The following GPRIN2 variants were observed in gnomAD, a reference collection of about 807,000 sequenced individuals.
GPRIN2 encodes the protein G protein-regulated inducer of neurite outgrowth 2.
A neutral mutation model predicts 0.3 loss-of-function variants in GPRIN2; 1 was observed. That is an observed-to-expected ratio of 3.90 (90% confidence interval 1.39 to 18.51). GPRIN2 has a LOEUF of 18.51. GPRIN2 is among the 30% of genes most tolerant of loss of function. The probability of loss-of-function intolerance (pLI) is 0.11; values close to 1 mark genes in which losing one functional copy is unlikely to be tolerated. For missense variants in GPRIN2, 880 were observed against 604.2 expected (o/e 1.46, Z -4.79); for synonymous variants, 361 against 258.6 (o/e 1.40, Z -3.80).
In GPRIN2 at chr10:46,547,091, C is replaced by T. The variant is rs1247555743; in HGVS notation, c.*2269G>A. ...CCTGTGGCAGGTGGCCCTTTCTGCA[C>T]CTGCTGAACATGCCATTCACCTTGA... On this transcript the variant is annotated 3_prime_UTR_variant, in exon 3 of 3. Transcript: ENST00000374314. Among the ~76,000 whole-genome samples the T allele has an allele frequency of 6.6e-6, 1 of 152,306 alleles. No individual in the cohort carries two copies. The highest frequency in any genetic ancestry group is 2.4e-5 in the African/African-American group (1 of 41,486).
Position 46,550,292 on chromosome 10 carries a change from T to C in GPRIN2, c.445A>G (p.Ser149Gly). 1 of 1,612,980 alleles carries C rather than the reference T, an allele frequency of 6.2e-7. No homozygotes were observed. ...TGCAGCTGAGCCCTGTGGACAGGGCTGCTGCCAAGGGCTGAGCAGCTGAGA... is the reference window on the plus strand; with the variant it reads ...TGCAGCTGAGCCCTGTGGACAGGGCCGCTGCCAAGGGCTGAGCAGCTGAGA... The part of the protein sequence containing the change: ...ASLSCSALGS[S>G]PVHRAQLQPG... Residue 149 changes from serine to glycine, a missense_variant, in exon 3 of 3, where the codon AGC becomes GGC. Physicochemically the swap from Ser to Gly is moderately conservative, Grantham distance 56 (BLOSUM62 0). Transcript: ENST00000374314.
intron 2 of GPRIN2, among the ~76,000 whole-genome samples, chr10:46,552,983 GATA>G (rs1842782591): frequency 6.6e-6 from 1 of 152,310 alleles, no homozygotes; most frequent in South Asian, 2.1e-4. Flanking sequence ...TAACAGCGAT[GATA>G]ATAACAGCTG....
chr10:46,552,355 G>A (rs1461293965), intron 2 of GPRIN2, among the ~76,000 whole-genome samples: 1 of 152,312 alleles, frequency 6.6e-6, no homozygotes, highest in Non-Finnish European at 1.5e-5. Context: ...GAAACAGGGT[G>A]GGGACAGGAG....
upstream of GPRIN2, among the ~76,000 whole-genome samples, chr10:46,556,879 C>T (rs1439700602): frequency 6.6e-6 from 1 of 152,394 alleles, no homozygotes; most frequent in East Asian, 1.9e-4. Flanking sequence ...ACCGCCTGTT[C>T]TCCAGGCTGC....
Position 46,549,911 on chromosome 10 carries a change from C to A in GPRIN2, c.826G>T (p.Val276Leu). 3 of 1,614,220 alleles carry A rather than the reference C, an allele frequency of 1.9e-6. No individual in the cohort carries two copies. The highest frequency in any genetic ancestry group is 1.1e-5 in the South Asian group (1 of 91,088). The change falls in exon 3 of 3, where the codon GTG becomes TTG. Residue 276 changes from valine (V) to leucine (L), a missense_variant. By Grantham distance (32) the Val-to-Leu change is conservative (BLOSUM62 1). Transcript: ENST00000374314. ...CCAGACAACCTACAGTGGATCTTCACCCCATGCTGAGCCTGCAGCCCAGAC... is the reference window on the plus strand; with the variant it reads ...CCAGACAACCTACAGTGGATCTTCAACCCATGCTGAGCCTGCAGCCCAGAC... ...SESGLQAQHGVKIHCRLSGGL... is the reference protein window; with the variant it reads ...SESGLQAQHGLKIHCRLSGGL...
At position 46,542,086 on chromosome 10, in the gene GPRIN2, G is replaced by A. The variant is rs1841808585; in HGVS notation, c.*7274C>T. Among the ~76,000 whole-genome samples, 2 of 152,310 alleles carry A rather than the reference G, an allele frequency of 1.3e-5. No homozygotes were observed. Among genetic ancestry groups the A allele is most frequent in the African/African-American group, 2.4e-5 (1 of 41,488 alleles). On this transcript the variant is annotated 3_prime_UTR_variant, in exon 3 of 3. Transcript: ENST00000374314. ...GGCTTACAAAAGCCACAAAGCTTGT[G>A]TACAAAATGACACCCTTGGCCACCA...
chr10:46,547,255 C>T lies in GPRIN2; in HGVS notation c.*2105G>A, dbSNP rs1842245461. 6.6e-6 allele frequency among the ~76,000 whole-genome samples: 1 copy of T among 152,310 alleles called. No homozygotes were observed. The highest frequency in any genetic ancestry group is 1.9e-4 in the East Asian group (1 of 5,208). On this transcript the variant is annotated 3_prime_UTR_variant, in exon 3 of 3. Coordinates refer to ENST00000374314, the MANE Select transcript of GPRIN2 (RefSeq NM_001385282.1). ...CGTGTATGAACCCAGCCCCCAGCTG[C>T]CCACTCCATTGCCCCTAAACAGGCC...
In GPRIN2 at chr10:46,542,815, A is replaced by C. The variant is rs1841860115; in HGVS notation, c.*6545T>G. Among the ~76,000 whole-genome samples the C allele has an allele frequency of 6.6e-6, 1 of 152,310 alleles. No individual in the cohort carries two copies. Among genetic ancestry groups the C allele is most frequent in the East Asian group, 1.9e-4 (1 of 5,208 alleles). On this transcript the variant is annotated 3_prime_UTR_variant, in exon 3 of 3. Coordinates refer to ENST00000374314, the MANE Select transcript of GPRIN2 (RefSeq NM_001385282.1). ...GTGCAGTGTGTCCCCACAGGGGCTCAGGCCACACCCCAACCCAATTACAAG... is the reference window on the plus strand; with the variant it reads ...GTGCAGTGTGTCCCCACAGGGGCTCCGGCCACACCCCAACCCAATTACAAG...
rs1841823674 is a variant in GPRIN2 at position 46,542,321 on chromosome 10, C to T, written c.*7039G>A. Among the ~76,000 whole-genome samples the T allele has an allele frequency of 6.6e-6, 1 of 152,312 alleles. No individual in the cohort carries two copies. Among genetic ancestry groups the T allele is most frequent in the South Asian group, 2.1e-4 (1 of 4,838 alleles). ...GGGTGATATGCTTTGGCTGTGTCCC[C>T]ACCCAAAATCTCATCTTGAATTGTA... On this transcript the variant is annotated 3_prime_UTR_variant, in exon 3 of 3. Coordinates refer to ENST00000374314, the MANE Select transcript of GPRIN2 (RefSeq NM_001385282.1).
upstream of GPRIN2, among the ~76,000 whole-genome samples, chr10:46,556,786 G>A (rs1257459969): frequency 2.6e-5 from 4 of 152,176 alleles, no homozygotes; most frequent in Non-Finnish European, 5.9e-5. Context: ...ATCTGCGTCC[G>A]CGCGCCCCCA....
upstream of GPRIN2, among the ~76,000 whole-genome samples, chr10:46,557,259 C>T (rs1843350179): frequency 6.6e-6 from 1 of 152,306 alleles, no homozygotes; most frequent in East Asian, 1.9e-4. Context: ...CCTGGACCCA[C>T]CGTCCCATCC....
rs1832414065 is a variant in GPRIN2, at chr10:46,550,305, T to C, written c.432A>G (p.Ser144=). 1.9e-6 allele frequency: 3 copies of C among 1,613,200 alleles called. No individual in the cohort carries two copies. The highest frequency in any genetic ancestry group is 2.5e-6 in the Non-Finnish European group (3 of 1,179,922). ...TGTGGACAGGGCTGCTGCCAAGGGCTGAGCAGCTGAGACTGGCCTTCCGAG... is the reference window on the plus strand; with the variant it reads ...TGTGGACAGGGCTGCTGCCAAGGGCCGAGCAGCTGAGACTGGCCTTCCGAG... ...SGARKASLSC[S]ALGSSPVHRA... Residue 144 remains serine, a synonymous_variant, in exon 3 of 3, where the codon TCA becomes TCG. Coordinates refer to ENST00000374314, the MANE Select transcript of GPRIN2 (RefSeq NM_001385282.1).
chr10:46,555,040 G>A (rs1203106209), intron 1 of GPRIN2, among the ~76,000 whole-genome samples: 4 of 152,298 alleles, frequency 2.6e-5, no homozygotes, highest in Non-Finnish European at 5.9e-5. Context: ...TCTGCCTCCT[G>A]GGTTCACGTG....
In GPRIN2 at chr10:46,549,110, C is replaced by G. The variant is rs549351406; in HGVS notation, c.*250G>C. 2 of 486,528 alleles carry G rather than the reference C, an allele frequency of 4.1e-6. No individual in the cohort carries two copies. Among genetic ancestry groups the G allele is most frequent in the African/African-American group, 2.0e-5 (1 of 49,624 alleles). The allele number at this position is 486,528 out of a possible 1,614,324, so 30.1% of individuals were successfully genotyped here. On this transcript the variant is annotated 3_prime_UTR_variant, in exon 3 of 3. Coordinates refer to ENST00000374314, the MANE Select transcript of GPRIN2 (RefSeq NM_001385282.1). ...CTCCCCTCTGCACAGTGCTAAAGCC[C>G]TGTCTCAAAGTTCAGAGCCCGGAAG...
rs1588956627 is a variant in GPRIN2 at position 46,547,678 on chromosome 10, G to A, written c.*1682C>T. On this transcript the variant is annotated 3_prime_UTR_variant, in exon 3 of 3. Coordinates refer to ENST00000374314, the MANE Select transcript of GPRIN2 (RefSeq NM_001385282.1). Reference sequence around the variant, plus strand: ...CTCTCATGTGGCCCTAACAGGCTGGGGTTCCTGGAGACTCCATGGGGAGCC... The same window carrying A: ...CTCTCATGTGGCCCTAACAGGCTGGAGTTCCTGGAGACTCCATGGGGAGCC... 6.6e-6 allele frequency among the ~76,000 whole-genome samples: 1 copy of A among 152,428 alleles called. No individual in the cohort carries two copies. The highest frequency in any genetic ancestry group is 1.9e-4 in the East Asian group (1 of 5,196).
chr10:46,549,929 G>T lies in GPRIN2; in HGVS notation c.808C>A (p.Leu270Met), dbSNP rs1832546440. ...KLVASVSESG[L>M]QAQHGVKIHC... is the part of the protein sequence containing the mutation. ...ATCTTCACCCCATGCTGAGCCTGCAGCCCAGACTCGCTCACTGACGCCACT... is the reference window on the plus strand; with the variant it reads ...ATCTTCACCCCATGCTGAGCCTGCATCCCAGACTCGCTCACTGACGCCACT... The change falls in exon 3 of 3, where the codon CTG becomes ATG. Residue 270 changes from leucine to methionine, a missense_variant. Coordinates refer to ENST00000374314, the MANE Select transcript of GPRIN2 (RefSeq NM_001385282.1). 6.2e-7 allele frequency: 1 copy of T among 1,614,292 alleles called. No individual in the cohort carries two copies. Among genetic ancestry groups the T allele is most frequent in the Admixed American group, 1.7e-5 (1 of 60,038 alleles).
At position 46,542,389 on chromosome 10, in the gene GPRIN2, G is replaced by T. The variant is rs1833067375; in HGVS notation, c.*6971C>A. Among the ~76,000 whole-genome samples the T allele has an allele frequency of 6.6e-6, 1 of 152,430 alleles. No homozygotes were observed. Among genetic ancestry groups the T allele is most frequent in the South Asian group, 2.1e-4 (1 of 4,834 alleles). ...GTGACAAGGGAGAGATCAGGTGGAGGTGATGGAATCGTGGGGGCGGTTCCC... is the reference window on the plus strand; with the variant it reads ...GTGACAAGGGAGAGATCAGGTGGAGTTGATGGAATCGTGGGGGCGGTTCCC... On this transcript the variant is annotated 3_prime_UTR_variant, in exon 3 of 3. Transcript: ENST00000374314.
rs1842140509 is a variant in GPRIN2, at chr10:46,546,145, AGACCAGCTC to A, written c.*3206_*3214del. On this transcript the variant is annotated 3_prime_UTR_variant, in exon 3 of 3. Transcript: ENST00000374314. ...CCACCACCACCAGCACTGTGACCTC[AGACCAGCTC>A]TACTCTATGAGTTTCTTGTGACAGT... is the stretch of plus-strand genomic sequence containing the variant. 6.6e-6 allele frequency among the ~76,000 whole-genome samples: 1 copy of A among 152,296 alleles called. No individual in the cohort carries two copies. Among genetic ancestry groups the A allele is most frequent in the African/African-American group, 2.4e-5 (1 of 41,482 alleles).
chr10:46,552,624 G>A (rs1832111186), intron 2 of GPRIN2, among the ~76,000 whole-genome samples: 8 of 152,426 alleles, frequency 5.2e-5, no homozygotes, highest in South Asian at 2.1e-4. Flanking sequence ...AACTTCCTGC[G>A]ATGATGGAAA....
Sources: allele counts gnomAD v4.1 joint callset (sites outside exome capture counted in the v4.1 genomes callset), GRCh38; gene constraint gnomAD v4.1.1; transcripts MANE v1.5; gene names NCBI Gene and HGNC (gene_info 2026-07-23, HGNC 2026-07-21).